SUSD6: variants seen among roughly 807,000 people sequenced by gnomAD.
The protein encoded by SUSD6 is sushi domain-containing protein 6.
SUSD6 carries 16 observed loss-of-function variants against 28.4 expected under a neutral mutation model. The ratio of observed to expected loss-of-function variants is 0.56; its 90% CI spans 0.38 to 0.86. SUSD6 has a LOEUF of 0.86. SUSD6 is among the 40% of genes least tolerant of loss of function. The pLI is 0.00. For missense variants in SUSD6, 341 were observed against 384.2 expected, an observed-to-expected ratio of 0.89 and a Z score of 0.94; for synonymous variants, 147 against 159.6, an observed-to-expected ratio of 0.92 and a Z score of 0.59.
intron 2 of SUSD6, among the ~76,000 whole-genome samples, chr14:69,699,469 G>A (rs555044836): frequency 2.6e-5 from 4 of 151,662 alleles, no homozygotes; most frequent in African/African-American, 9.7e-5. Flanking sequence ...CTCCCAAAGC[G>A]CTGGGATTGT....
chr14:69,643,520 A>G (rs1436290067), intron 1 of SUSD6, among the ~76,000 whole-genome samples: 1 of 152,160 alleles, frequency 6.6e-6, no homozygotes, highest in Non-Finnish European at 1.5e-5. Flanking sequence ...ACACAAATAC[A>G]CTTTGAGTCT....
chr14:69,641,880 C>T (rs1453159338), intron 1 of SUSD6, among the ~76,000 whole-genome samples: 3 of 152,116 alleles, frequency 2.0e-5, no homozygotes, highest in African/African-American at 7.2e-5. Context: ...GCTGGGGTTA[C>T]AGGCACAAGC....
At chr14:69,637,529 G>C (rs1885282865) in intron 1 of SUSD6, among the ~76,000 whole-genome samples, 1 of 152,136 alleles carries the variant, frequency 6.6e-6, no homozygotes, top group Admixed American at 6.5e-5. Context: ...CCCTGCCTAA[G>C]GCTCTCTCTT....
rs530738452 is a variant in SUSD6, at chr14:69,713,661, G to C, written c.*2682G>C. On this transcript the variant is annotated 3_prime_UTR_variant, in exon 6 of 6. Transcript: ENST00000342745. ...CAGGTGGCAGGCTGTTAAAAGACAG[G>C]CTGCCTGAGGAGCCTGGAGCAGGTG... The C allele has an allele frequency of 2.0e-5, 3 of 152,390 alleles. No homozygotes were observed. The highest frequency in any genetic ancestry group is 2.0e-4 in the Admixed American group (3 of 15,300). 9.4% of individuals were successfully genotyped at this position (152,390 alleles called of 1,614,324 possible). A position where few individuals can be genotyped will look rare whatever the true frequency, so the allele number is the denominator to read the frequency against.
intron 1 of SUSD6, among the ~76,000 whole-genome samples, chr14:69,646,479 TGCTCTATA>T (rs1041472677): frequency 8.5e-5 from 13 of 152,240 alleles, no homozygotes; most frequent in African/African-American, 2.9e-4. Flanking sequence ...AAGCTCAGAG[TGCTCTATA>T]GGGTTTCACA....
intron 2 of SUSD6, among the ~76,000 whole-genome samples, chr14:69,680,333 G>T (rs534589771): frequency 6.6e-6 from 1 of 152,210 alleles, no homozygotes; most frequent in Admixed American, 6.5e-5. Flanking sequence ...CTGGTTAACT[G>T]CAGTCAAGGA....
chr14:69,633,660 T>G (rs1173085181), intron 1 of SUSD6, among the ~76,000 whole-genome samples: 2 of 152,244 alleles, frequency 1.3e-5, no homozygotes, highest in Non-Finnish European at 2.9e-5. Context: ...ATCATTCATA[T>G]CTCACTGGTT....
chr14:69,620,140 C>T (rs1231052576), intron 1 of SUSD6, among the ~76,000 whole-genome samples: 1 of 152,200 alleles, frequency 6.6e-6, no homozygotes, highest in Non-Finnish European at 1.5e-5. Context: ...TTTATCAATC[C>T]TCCATCTGCC....
At chr14:69,660,838 A>G (rs768766729) in intron 2 of SUSD6, among the ~76,000 whole-genome samples, 11 of 152,270 alleles carry the variant, frequency 7.2e-5, no homozygotes, top group South Asian at 2.1e-4. Context: ...TATATTGTCT[A>G]TGGCTGCTTT....
At chr14:69,637,702 C>T (rs1224736413) in intron 1 of SUSD6, among the ~76,000 whole-genome samples, 3 of 152,184 alleles carry the variant, frequency 2.0e-5, no homozygotes, top group African/African-American at 7.2e-5. Context: ...TGACCTGGTC[C>T]TCCTCATCTC....
chr14:69,698,218 C>T (rs1886255017), intron 2 of SUSD6, among the ~76,000 whole-genome samples: 1 of 152,210 alleles, frequency 6.6e-6, no homozygotes, highest in Admixed American at 6.5e-5. Context: ...GTCCCAGCTA[C>T]TCAGGAGGCT....
chr14:69,622,733 A>T (rs954225066), intron 1 of SUSD6, among the ~76,000 whole-genome samples: 2 of 152,026 alleles, frequency 1.3e-5, no homozygotes, highest in Non-Finnish European at 2.9e-5. Context: ...AGCTGGGATT[A>T]CAGGCGCCCA....
intron 1 of SUSD6, among the ~76,000 whole-genome samples, chr14:69,632,679 G>A (rs1018018799): frequency 4.0e-5 from 6 of 150,994 alleles, no homozygotes; most frequent in Non-Finnish European, 8.8e-5. Context: ...ACACTGGGCA[G>A]ATGGGAAGGA....
At chr14:69,673,464 C>T (rs1885863397) in intron 2 of SUSD6, among the ~76,000 whole-genome samples, 2 of 152,128 alleles carry the variant, frequency 1.3e-5, no homozygotes, top group Admixed American at 6.6e-5. Context: ...GCAAATTTTG[C>T]TGAGGTGAGG....
chr14:69,623,217 T>G (rs912874419), intron 1 of SUSD6, among the ~76,000 whole-genome samples: 1 of 152,220 alleles, frequency 6.6e-6, no homozygotes, highest in Non-Finnish European at 1.5e-5. Flanking sequence ...CATGTATTTG[T>G]GTACTAATGG....
intron 1 of SUSD6, among the ~76,000 whole-genome samples, chr14:69,644,248 G>A (rs1202929596): frequency 6.6e-6 from 1 of 152,154 alleles, no homozygotes; most frequent in Non-Finnish European, 1.5e-5. Context: ...CATAAGCCCT[G>A]TCTGGAGGGA....
At chr14:69,697,703 C>T (rs1357814865) in intron 2 of SUSD6, among the ~76,000 whole-genome samples, 2 of 152,230 alleles carry the variant, frequency 1.3e-5, no homozygotes, top group Non-Finnish European at 2.9e-5. Context: ...ATTCCTTCCT[C>T]CTCTCCTTAG....
At chr14:69,679,412 CT>C (rs1412418665) in intron 2 of SUSD6, among the ~76,000 whole-genome samples, 2 of 151,924 alleles carry the variant, frequency 1.3e-5, no homozygotes, top group Non-Finnish European at 2.9e-5. Context: ...ATTTTTAGTT[CT>C]ATTTTCAAAT....
chr14:69,651,897 C>T (rs559589899), intron 1 of SUSD6, among the ~76,000 whole-genome samples: 42 of 152,324 alleles, frequency 2.8e-4, no homozygotes, highest in African/African-American at 9.9e-4. Context: ...GAACTTTGGA[C>T]TTCAAAGTGT....
Sources: allele counts gnomAD v4.1 joint callset (sites outside exome capture counted in the v4.1 genomes callset), GRCh38; gene constraint gnomAD v4.1.1; transcripts MANE v1.5; gene names NCBI Gene and HGNC (gene_info 2026-07-23, HGNC 2026-07-21).